Variants in CCDC148 observed in about 807,000 individuals in gnomAD.
The protein encoded by CCDC148 is coiled-coil domain-containing protein 148.
A neutral mutation model predicts 85.7 loss-of-function variants in CCDC148; 89 were observed. That is an observed-to-expected ratio of 1.04 (90% CI 0.87 to 1.24). CCDC148 has a LOEUF of 1.24. CCDC148 is among the 50% of genes most tolerant of loss of function. The probability of loss-of-function intolerance (pLI) is 0.00; values close to 1 mark genes in which losing one functional copy is unlikely to be tolerated. For synonymous variants in CCDC148, 230 were observed against 213.9 expected (o/e 1.08, Z -0.66); for missense variants, 692 against 671.7 (o/e 1.03, Z -0.33).
chr2:158,400,055 C>T (rs1245716272), intron 1 of CCDC148, among the ~76,000 whole-genome samples: 1 of 151,688 alleles, frequency 6.6e-6, no homozygotes, highest in Non-Finnish European at 1.5e-5. Flanking sequence ...AAAGAGGACA[C>T]AAAGGACACA....
At chr2:158,189,789 A>G (rs149549647) in intron 11 of CCDC148, among the ~76,000 whole-genome samples, 1 of 152,120 alleles carries the variant, frequency 6.6e-6, no homozygotes, top group East Asian at 1.9e-4. Flanking sequence ...TTCTGTTTTC[A>G]TGTCTTGTCT....
At chr2:158,383,293 C>T (rs1054421835) in intron 1 of CCDC148, among the ~76,000 whole-genome samples, 4 of 150,640 alleles carry the variant, frequency 2.7e-5, no homozygotes, top group African/African-American at 4.9e-5. Flanking sequence ...CTCAAGCCTG[C>T]GTGACAGAGA....
At chr2:158,348,025 G>T (rs12463881) in intron 2 of CCDC148, among the ~76,000 whole-genome samples, 62,624 of 151,804 alleles carry the variant, frequency 0.41, 13,486 homozygotes, top group South Asian at 0.61. Context: ...TTGCTAGTGG[G>T]AATACAAAGT....
At chr2:158,247,955 G>A (rs1420230729) in intron 10 of CCDC148, among the ~76,000 whole-genome samples, 1 of 152,078 alleles carries the variant, frequency 6.6e-6, no homozygotes, top group East Asian at 1.9e-4. Context: ...AGAACATGCA[G>A]GTTTGTTACA....
chr2:158,351,539 A>G (rs1257366392), intron 2 of CCDC148, among the ~76,000 whole-genome samples: 2 of 152,124 alleles, frequency 1.3e-5, no homozygotes, highest in Non-Finnish European at 2.9e-5. Context: ...CCGGCGCATC[A>G]CGAGATTATA....
intron 11 of CCDC148, among the ~76,000 whole-genome samples, chr2:158,205,008 G>A (rs75943254): frequency 2.0e-5 from 3 of 152,104 alleles, no homozygotes; most frequent in Non-Finnish European, 2.9e-5. Flanking sequence ...CCAGCCATGG[G>A]CATCCCATGG....
intron 1 of CCDC148, among the ~76,000 whole-genome samples, chr2:158,455,708 T>C (rs1388210153): frequency 1.3e-5 from 2 of 152,302 alleles, no homozygotes; most frequent in Non-Finnish European, 1.5e-5. Context: ...TCAGTGGCTA[T>C]AGGCTAGAGC....
intron 7 of CCDC148, among the ~76,000 whole-genome samples, chr2:158,320,221 T>G (rs112809592): frequency 0.027 from 4,098 of 152,272 alleles, 73 homozygotes; most frequent in Middle Eastern, 0.092. Context: ...AATGTCATAA[T>G]GTCATCTCAA....
intron 1 of CCDC148, among the ~76,000 whole-genome samples, chr2:158,455,157 T>A (rs1321715494): frequency 1.3e-5 from 2 of 152,206 alleles, no homozygotes; most frequent in East Asian, 3.8e-4. Flanking sequence ...CAATTTGTGG[T>A]TTACTTTTTC....
At chr2:158,363,276 A>T (rs1415586429) in intron 1 of CCDC148, among the ~76,000 whole-genome samples, 7 of 152,152 alleles carry the variant, frequency 4.6e-5, no homozygotes, top group Non-Finnish European at 1.0e-4. Context: ...ACTATTCCAA[A>T]CAACAGAAAA....
chr2:158,279,181 A>G (rs942799327), intron 9 of CCDC148, among the ~76,000 whole-genome samples: 8 of 152,220 alleles, frequency 5.3e-5, no homozygotes, highest in African/African-American at 1.7e-4. Flanking sequence ...CATGGGGAAT[A>G]AACAGAGCAG....
At chr2:158,224,268 C>T (rs184378843) in intron 10 of CCDC148, among the ~76,000 whole-genome samples, 57 of 152,068 alleles carry the variant, frequency 3.7e-4, no homozygotes, top group Non-Finnish European at 7.6e-4. Flanking sequence ...TAGAGACAAA[C>T]GAATAAAAAA....
intron 1 of CCDC148, among the ~76,000 whole-genome samples, chr2:158,361,433 G>A (rs541585481): frequency 6.6e-6 from 1 of 152,232 alleles, no homozygotes; most frequent in African/African-American, 2.4e-5. Context: ...GAGAAAGGTT[G>A]GTTACCCACA....
chr2:158,449,630 G>A (rs1315373756), intron 1 of CCDC148, among the ~76,000 whole-genome samples: 1 of 152,064 alleles, frequency 6.6e-6, no homozygotes, highest in Non-Finnish European at 1.5e-5. Context: ...TGTATTTTTA[G>A]TAGAGATGCC....
At chr2:158,267,851 A>G (rs974311152) in intron 9 of CCDC148, among the ~76,000 whole-genome samples, 13 of 152,160 alleles carry the variant, frequency 8.5e-5, no homozygotes, top group African/African-American at 3.1e-4. Context: ...CACAGTATGT[A>G]GTCTTTGTGG....
At chr2:158,338,685 A>G (rs369988339) in intron 7 of CCDC148, 41 bp downstream of exon 7, 27 of 1,437,178 alleles carry the variant, frequency 1.9e-5, no homozygotes, top group Middle Eastern at 2.3e-4. Context: ...ATAAAAAGTT[A>G]GTGTCAAAAG....
At chr2:158,365,048 T>C (rs965699060) in intron 1 of CCDC148, among the ~76,000 whole-genome samples, 1 of 152,034 alleles carries the variant, frequency 6.6e-6, no homozygotes, top group East Asian at 1.9e-4. Context: ...CCAACAAACA[T>C]GAAAAAATGC....
chr2:158,340,714 T>C (rs372809112), intron 3 of CCDC148, 34 bp from the exon 4 acceptor site: 9 of 1,232,752 alleles, frequency 7.3e-6, no homozygotes, highest in Non-Finnish European at 1.0e-5. Context: ...AATGTTACAA[T>C]CATAAACATA....
chr2:158,285,027 C>T (rs1223017078), intron 9 of CCDC148, among the ~76,000 whole-genome samples: 5 of 152,140 alleles, frequency 3.3e-5, no homozygotes, highest in Non-Finnish European at 7.3e-5. Flanking sequence ...GTGGCTCATA[C>T]TTGTAATCTC....
Sources: gnomAD v4.1 joint callset for allele counts (sites outside exome capture counted in the v4.1 genomes callset) on GRCh38, gnomAD v4.1.1 for gene constraint, MANE v1.5 for transcripts, NCBI Gene and HGNC (gene_info 2026-07-23, HGNC 2026-07-21) for gene names.